The following SYT5 variants were observed in gnomAD, a reference collection of about 807,000 sequenced individuals.
SYT5 encodes the protein synaptotagmin 5.
In SYT5, 29 loss-of-function variants were observed where a neutral mutation model predicts 36.0. The ratio of observed to expected loss-of-function variants is 0.81; its 90% confidence interval spans 0.60 to 1.10. The LOEUF (loss-of-function observed/expected upper bound fraction) is 1.10, where lower values mean the gene tolerates loss of function less well. SYT5 is among the 50% of genes least tolerant of loss of function. The pLI is 0.00. For synonymous variants in SYT5, 231 were observed against 227.6 expected, an observed-to-expected ratio of 1.02 and a Z score of -0.14; for missense variants, 512 against 516.0, an observed-to-expected ratio of 0.99 and a Z score of 0.08.
At position 55,172,543 on chromosome 19, in the gene SYT5, G is replaced by A. The variant is rs774672856; in HGVS notation, c.*941C>T. Reference sequence around the variant, plus strand: ...AGAAAAGAAAAAAGAAAGAGGTGAAGTTGAAATCATTGGCTTTCCTTGCTG... The same window carrying A: ...AGAAAAGAAAAAAGAAAGAGGTGAAATTGAAATCATTGGCTTTCCTTGCTG... On this transcript the variant is annotated 3_prime_UTR_variant, in exon 9 of 9. Coordinates refer to ENST00000354308, the MANE Select transcript of SYT5 (RefSeq NM_003180.3). 3 of 152,032 alleles carry A rather than the reference G, an allele frequency of 2.0e-5. No individual in the cohort carries two copies. Among genetic ancestry groups the A allele is most frequent in the Non-Finnish European group, 2.9e-5 (2 of 68,006 alleles). The allele number at this position is 152,032 out of a possible 1,614,324, so 9.4% of individuals were successfully genotyped here. A position where few individuals can be genotyped will look rare whatever the true frequency, so the allele number is the denominator to read the frequency against.
chr19:55,175,947 G>A lies in SYT5; in HGVS notation c.372+58C>T. 1 of 1,613,444 alleles carries A rather than the reference G, an allele frequency of 6.2e-7. No individual in the cohort carries two copies. Among genetic ancestry groups the A allele is most frequent in the East Asian group, 2.2e-5 (1 of 44,876 alleles). On this transcript the variant is annotated intron_variant, in intron 4 of 8. Coordinates refer to ENST00000354308, the MANE Select transcript of SYT5 (RefSeq NM_003180.3). This position sits in a 1 kb window ranked among gnomAD's most constrained non-coding sequence, Gnocchi z 4.5. ...AGCCTCCCTTCCATGGCTCCTTTCA[G>A]AAGGGGTTGGAACCCCCGGGATCCT...
At position 55,173,501 on chromosome 19, in the gene SYT5, G is replaced by A; in HGVS notation, c.1144C>T (p.Leu382=). 1 of 1,375,272 alleles carries A rather than the reference G, an allele frequency of 7.3e-7. No individual in the cohort carries two copies. Among genetic ancestry groups the A allele is most frequent in the Non-Finnish European group, 9.4e-7 (1 of 1,063,718 alleles). The allele number at this position is 1,375,272 out of a possible 1,614,324, so 85.2% of individuals were successfully genotyped here. A position where few individuals can be genotyped will look rare whatever the true frequency, so the allele number is the denominator to read the frequency against. ...GGTGGGAGTCAGGGCGCAGGCAGCA[G>A]CCTCACTCGGTCCGGGGGCCGCAGC... ...HSLRPPDRVR[L]LPAP is the part of the protein sequence containing the mutation. Residue 382 remains leucine (L), a synonymous_variant, in exon 9 of 9, where the codon CTG becomes TTG. Coordinates refer to ENST00000354308, the MANE Select transcript of SYT5 (RefSeq NM_003180.3). This position sits in a 1 kb window ranked among gnomAD's most constrained non-coding sequence, Gnocchi z 5.4.
In SYT5 at chr19:55,171,808, A is replaced by T. The variant is rs2086007855; in HGVS notation, c.*1676T>A. On this transcript the variant is annotated 3_prime_UTR_variant, in exon 9 of 9. Coordinates refer to ENST00000354308, the MANE Select transcript of SYT5 (RefSeq NM_003180.3). ...TAAAAAAGAAAAGAAAAGAAAAGAA[A>T]AAATTAGCTAGGCATGGTTGCATGT... The T allele has an allele frequency of 6.6e-6, 1 of 152,212 alleles. No homozygotes were observed. Among genetic ancestry groups the T allele is most frequent in the Non-Finnish European group, 1.5e-5 (1 of 68,118 alleles). The allele number at this position is 152,212 out of a possible 1,614,324, so 9.4% of individuals were successfully genotyped here.
Position 55,180,265 on chromosome 19 carries a change from C to G in SYT5, c.-194G>C, listed in dbSNP as rs941942931. 8 of 152,422 alleles carry G rather than the reference C, an allele frequency of 5.2e-5. No homozygotes were observed. The highest frequency in any genetic ancestry group is 1.3e-4 in the Admixed American group (2 of 15,286). The allele number at this position is 152,422 out of a possible 1,614,324, so 9.4% of individuals were successfully genotyped here. On this transcript the variant is annotated 5_prime_UTR_variant, in exon 1 of 9. Coordinates refer to ENST00000354308, the MANE Select transcript of SYT5 (RefSeq NM_003180.3). ...GGGGAGCCGCGGAGCGGAGCAGGAT[C>G]CCGTGCGCGCGTGTGTGCCCGTGTG...
At position 55,175,911 on chromosome 19, in the gene SYT5, A is replaced by T. The variant is rs76656455; in HGVS notation, c.373-35T>A. 6.9e-4 allele frequency: 1,115 copies of T among 1,613,610 alleles called. 10 individuals are homozygous for T. The African/African-American group carries it at 0.013, about 19-fold the overall frequency. The stretch of plus-strand genomic sequence containing the variant: ...CCAGGCACAGTGGGGGAGGTGGGGA[A>T]CACTAGTCTTAGCCTCCCTTCCATG... On this transcript the variant is annotated intron_variant, in intron 4 of 8. Transcript: ENST00000354308. This position sits in a 1 kb window ranked among gnomAD's most constrained non-coding sequence, Gnocchi z 4.5.
Position 55,174,663 on chromosome 19 carries a change from AG to A in SYT5, c.827-14del. The A allele has an allele frequency of 1.2e-6, 2 of 1,614,024 alleles. No individual in the cohort carries two copies. Among genetic ancestry groups the A allele is most frequent in the Non-Finnish European group, 1.7e-6 (2 of 1,179,962 alleles). ...TTGACGTATGGATCTGGGGAGAGGAAGGAGGAGTCTTATAGCTCCCCACTGC... is the reference window on the plus strand; with the variant it reads ...TTGACGTATGGATCTGGGGAGAGGAAGAGGAGTCTTATAGCTCCCCACTGC... On this transcript the variant is annotated splice_polypyrimidine_tract_variant and intron_variant, in intron 7 of 8. Coordinates refer to ENST00000354308, the MANE Select transcript of SYT5 (RefSeq NM_003180.3).
At position 55,175,009 on chromosome 19, in the gene SYT5, G is replaced by A; in HGVS notation, c.709-10C>T. On this transcript the variant is annotated splice_polypyrimidine_tract_variant and intron_variant, in intron 6 of 8. Coordinates refer to ENST00000354308, the MANE Select transcript of SYT5 (RefSeq NM_003180.3). The surrounding 1 kb of genome is among the most constrained non-coding windows in gnomAD (Gnocchi z 4.5). Reference sequence around the variant, plus strand: ...CCCCAAGCTTCTCCTGCTGAAAGGAGAGGGGCCCATCACCAGAGCCCCGGC... The same window carrying A: ...CCCCAAGCTTCTCCTGCTGAAAGGAAAGGGGCCCATCACCAGAGCCCCGGC... 8 of 1,611,808 alleles carry A rather than the reference G, an allele frequency of 5.0e-6. No homozygotes were observed. Among genetic ancestry groups the A allele is most frequent in the Non-Finnish European group, 6.8e-6 (8 of 1,179,824 alleles).
At chr19:55,176,218 G>A (rs1184521675) in intron 3 of SYT5, 94 bp from the exon 4 acceptor site, 23 of 1,560,026 alleles carry the variant, frequency 1.5e-5, no homozygotes, top group African/African-American at 2.7e-5. Flanking sequence ...GGTCCCTTGG[G>A]CTATACCTGA....
chr19:55,174,230 G>T (rs1773538174), intron 8 of SYT5, among the ~76,000 whole-genome samples: 2 of 145,208 alleles, frequency 1.4e-5, no homozygotes, highest in African/African-American at 5.3e-5. Flanking sequence ...GGTTCCGCTT[G>T]GTGGGGCGGG....
rs1377192664 is a variant in SYT5 at position 55,175,644 on chromosome 19, G to A, written c.540+65C>T. On this transcript the variant is annotated intron_variant, in intron 5 of 8. Coordinates refer to ENST00000354308, the MANE Select transcript of SYT5 (RefSeq NM_003180.3). The surrounding 1 kb of genome is among the most constrained non-coding windows in gnomAD (Gnocchi z 4.5). ...GCCTCCAGGAAAAGCGGAAGGGGTCGGTCCCTAGTGTTCCAGGGACTGGGC... is the reference window on the plus strand; with the variant it reads ...GCCTCCAGGAAAAGCGGAAGGGGTCAGTCCCTAGTGTTCCAGGGACTGGGC... 2 of 1,567,860 alleles carry A rather than the reference G, an allele frequency of 1.3e-6. No homozygotes were observed. Among genetic ancestry groups the A allele is most frequent in the Non-Finnish European group, 1.7e-6 (2 of 1,151,278 alleles).
intron 2 of SYT5, 145 bp from the exon 3 acceptor site, chr19:55,178,513 C>T: frequency 9.8e-7 from 1 of 1,020,388 alleles, no homozygotes; most frequent in Non-Finnish European, 1.4e-6. Flanking sequence ...TTTCTTCCAC[C>T]TAATGTGGCC....
chr19:55,176,295 G>C, intron 3 of SYT5, 171 bp from the exon 4 acceptor site: 1 of 826,818 alleles, frequency 1.2e-6, no homozygotes, highest in South Asian at 1.8e-5. Context: ...AAATAGACGT[G>C]GTAACACAGA....
In SYT5 at chr19:55,175,038, A is replaced by T; in HGVS notation, c.709-39T>A. 1 of 1,607,110 alleles carries T rather than the reference A, an allele frequency of 6.2e-7. No homozygotes were observed. The highest frequency in any genetic ancestry group is 8.5e-7 in the Non-Finnish European group (1 of 1,178,320). ...GGCCCATCACCAGAGCCCCGGCTCC[A>T]CATCCATGCCTCCTCAGGGGTACAA... On this transcript the variant is annotated intron_variant, in intron 6 of 8. Transcript: ENST00000354308. The surrounding 1 kb of genome is among the most constrained non-coding windows in gnomAD (Gnocchi z 4.5).
Position 55,175,166 on chromosome 19 carries a change from G to A in SYT5, c.708+6C>T. ...CGTGGCTCGGGGCGCGACCGCGCATGCTCACCTCCTCCCGCGGAGCCGCCT... is the reference window on the plus strand; with the variant it reads ...CGTGGCTCGGGGCGCGACCGCGCATACTCACCTCCTCCCGCGGAGCCGCCT... On this transcript the variant is annotated splice_donor_region_variant and intron_variant, in intron 6 of 8. Coordinates refer to ENST00000354308, the MANE Select transcript of SYT5 (RefSeq NM_003180.3). This position sits in a 1 kb window ranked among gnomAD's most constrained non-coding sequence, Gnocchi z 4.5. 6.3e-7 allele frequency: 1 copy of A among 1,593,746 alleles called. No homozygotes were observed. Among genetic ancestry groups the A allele is most frequent in the East Asian group, 2.3e-5 (1 of 43,680 alleles).
chr19:55,175,244 G>A lies in SYT5; in HGVS notation c.636C>T (p.Val212=). ...GCCCCAGGTCCACGGAGCTCATAGGGACCCGCACCTCCCCGATGGCGTCAT... is the reference window on the plus strand; with the variant it reads ...GCCCCAGGTCCACGGAGCTCATAGGAACCCGCACCTCCCCGATGGCGTCAT... The part of the protein sequence containing the change: ...SRNDAIGEVR[V]PMSSVDLGRP... Residue 212 remains valine (V), a synonymous_variant, in exon 6 of 9, where the codon GTC becomes GTT. Transcript: ENST00000354308. This position sits in a 1 kb window ranked among gnomAD's most constrained non-coding sequence, Gnocchi z 4.5. 1 of 1,609,636 alleles carries A rather than the reference G, an allele frequency of 6.2e-7. No individual in the cohort carries two copies. Among genetic ancestry groups the A allele is most frequent in the Non-Finnish European group, 8.5e-7 (1 of 1,178,732 alleles).
rs1360912326 is a variant in SYT5 at position 55,174,503 on chromosome 19, A to C, written c.960+14T>G. On this transcript the variant is annotated intron_variant, in intron 8 of 8. Transcript: ENST00000354308. ...AAGGTCTGGGCTCTTGGAGAAGGGC[A>C]GGTTTGAGCTCACCTGGACTTGGTC... The C allele has an allele frequency of 4.3e-6, 7 of 1,612,288 alleles. No homozygotes were observed. Among genetic ancestry groups the C allele is most frequent in the Non-Finnish European group, 5.9e-6 (7 of 1,179,056 alleles).
rs1291435262 is a variant in SYT5, at chr19:55,173,931, G to T, written c.961-247C>A. The T allele has an allele frequency of 4.9e-6, 2 of 408,776 alleles. No individual in the cohort carries two copies. Among genetic ancestry groups the T allele is most frequent in the Non-Finnish European group, 8.5e-6 (2 of 235,852 alleles). The allele number at this position is 408,776 out of a possible 1,614,324, so 25.3% of individuals were successfully genotyped here. ...AAATGAACCCTCAGGACTCGGTTGCGGAGCGGGTGTGTTCGGCGCCTCCTG... is the reference window on the plus strand; with the variant it reads ...AAATGAACCCTCAGGACTCGGTTGCTGAGCGGGTGTGTTCGGCGCCTCCTG... On this transcript the variant is annotated intron_variant, in intron 8 of 8. Transcript: ENST00000354308. The surrounding 1 kb of genome is among the most constrained non-coding windows in gnomAD (Gnocchi z 5.4).
Position 55,171,304 on chromosome 19 carries a change from GCC to G in SYT5, c.*2178_*2179del, listed in dbSNP as rs2086003601. 7.0e-5 allele frequency: 8 copies of G among 114,342 alleles called. No homozygotes were observed. The South Asian group carries it at 2.7e-3, about 39-fold the overall frequency. 7.1% of individuals were successfully genotyped at this position (114,342 alleles called of 1,614,324 possible). On this transcript the variant is annotated 3_prime_UTR_variant, in exon 9 of 9. Transcript: ENST00000354308. ...TGTCTTCATAAAGACATGCTCTACA[GCC>G]ACACACACACACACACACACACACA... is the stretch of plus-strand genomic sequence containing the variant.
Position 55,179,375 on chromosome 19 carries a change from T to TG in SYT5, c.-45-290dup. Reference sequence around the variant, plus strand: ...AACCGGAAGCGGGCGAAGGCAGACGTGGGAACCAGCAGACCGCGTTGCCCA... The same window carrying TG: ...AACCGGAAGCGGGCGAAGGCAGACGTGGGGAACCAGCAGACCGCGTTGCCCA... On this transcript the variant is annotated intron_variant, in intron 1 of 8. Coordinates refer to ENST00000354308, the MANE Select transcript of SYT5 (RefSeq NM_003180.3). This position sits in a 1 kb window ranked among gnomAD's most constrained non-coding sequence, Gnocchi z 4.5. 1 of 718,420 alleles carries TG rather than the reference T, an allele frequency of 1.4e-6. No individual in the cohort carries two copies. The highest frequency in any genetic ancestry group is 2.0e-6 in the Non-Finnish European group (1 of 494,234). The allele number at this position is 718,420 out of a possible 1,614,324, so 44.5% of individuals were successfully genotyped here. A position where few individuals can be genotyped will look rare whatever the true frequency, so the allele number is the denominator to read the frequency against.
Sources: gnomAD v4.1 joint callset for allele counts (sites outside exome capture counted in the v4.1 genomes callset) on GRCh38, gnomAD v4.1.1 for gene constraint, Gnocchi (gnomAD v3.1) non-coding constraint, MANE v1.5 for transcripts, NCBI Gene and HGNC (gene_info 2026-07-23, HGNC 2026-07-21) for gene names.